The following THSD7A variants were observed in gnomAD, a reference collection of about 807,000 sequenced individuals.
THSD7A encodes the protein thrombospondin type-1 domain-containing protein 7A.
THSD7A carries 96 observed loss-of-function variants against 231.3 expected under a neutral mutation model. That is an observed-to-expected ratio of 0.41 (90% CI 0.35 to 0.49). The LOEUF (loss-of-function observed/expected upper bound fraction) is 0.49, where lower values mean the gene tolerates loss of function less well. THSD7A is among the 20% of genes least tolerant of loss of function. The pLI, the probability that THSD7A is intolerant of heterozygous loss-of-function variation, is 0.05. For synonymous variants in THSD7A, 940 were observed against 743.3 expected (o/e 1.26, Z -4.30); for missense variants, 2,290 against 2,070.2 (o/e 1.11, Z -2.06).
At chr7:11,771,896 A>C (rs1370117533) in intron 1 of THSD7A, among the ~76,000 whole-genome samples, 3 of 151,952 alleles carry the variant, frequency 2.0e-5, no homozygotes. Flanking sequence ...AGTGTGTTGC[A>C]CCTTTTCTGT....
chr7:11,434,149 T>C (rs1784560594), intron 13 of THSD7A, among the ~76,000 whole-genome samples: 1 of 152,050 alleles, frequency 6.6e-6, no homozygotes, highest in South Asian at 2.1e-4. Flanking sequence ...CAAACAATCA[T>C]GGGGGATGGA....
At chr7:11,668,530 AAAGAAAGAAAGAG>A (rs1293930095) in intron 1 of THSD7A, among the ~76,000 whole-genome samples, 2 of 131,384 alleles carry the variant, frequency 1.5e-5, no homozygotes, top group African/African-American at 6.2e-5. Flanking sequence ...AGAAAGACAG[AAAGAAAGAAAGAG>A]AAGAAAGAAA....
rs140381354 is a variant in THSD7A, at chr7:11,637,158, C to A, written c.191-197G>T. On this transcript the variant is annotated intron_variant, in intron 1 of 27. Coordinates refer to ENST00000423059, the MANE Select transcript of THSD7A (RefSeq NM_015204.3). The surrounding 1 kb of genome is among the most constrained non-coding windows in gnomAD (Gnocchi z 4.2). ...CAAAAGGGGAACTGTGTCACAGAGT[C>A]TATATAAGGTAACTTCTGGGACAAT... is the stretch of plus-strand genomic sequence containing the variant. 6.6e-6 allele frequency among the ~76,000 whole-genome samples: 1 copy of A among 152,254 alleles called. No individual in the cohort carries two copies. Among genetic ancestry groups the A allele is most frequent in the East Asian group, 1.9e-4 (1 of 5,190 alleles).
At chr7:11,786,495 A>G (rs1783797242) in intron 1 of THSD7A, among the ~76,000 whole-genome samples, 1 of 152,076 alleles carries the variant, frequency 6.6e-6, no homozygotes, top group Non-Finnish European at 1.5e-5. Context: ...CCTTAAGAGA[A>G]AGGTGTAATG....
At chr7:11,785,907 T>C (rs147382503) in intron 1 of THSD7A, among the ~76,000 whole-genome samples, 1 of 152,140 alleles carries the variant, frequency 6.6e-6, no homozygotes, top group African/African-American at 2.4e-5. Context: ...CTTTAATTCA[T>C]CTTTCACTAA....
intron 4 of THSD7A, among the ~76,000 whole-genome samples, chr7:11,573,218 C>G (rs1456470406): frequency 6.6e-6 from 1 of 152,202 alleles, no homozygotes; most frequent in Non-Finnish European, 1.5e-5. Flanking sequence ...AGTTCTCAAA[C>G]TCACACCACA....
chr7:11,818,532 A>C (rs894482814), intron 1 of THSD7A, among the ~76,000 whole-genome samples: 2 of 152,186 alleles, frequency 1.3e-5, no homozygotes, highest in African/African-American at 4.8e-5. Context: ...TTCCAGGTCA[A>C]CTTACTAGGG....
intron 4 of THSD7A, among the ~76,000 whole-genome samples, chr7:11,557,848 A>G (rs18): frequency 0.61 from 92,506 of 151,948 alleles, 28,794 homozygotes; most frequent in African/African-American, 0.74. Flanking sequence ...GGCCTTCTCT[A>G]ACACCACCTA....
intron 4 of THSD7A, among the ~76,000 whole-genome samples, chr7:11,552,318 G>GA (rs1327171895): frequency 6.6e-6 from 1 of 151,514 alleles, no homozygotes; most frequent in Non-Finnish European, 1.5e-5. Flanking sequence ...TTAAAAGTTA[G>GA]AAAAAAAATA....
intron 22 of THSD7A, among the ~76,000 whole-genome samples, chr7:11,405,856 T>C (rs1036892731): frequency 2.0e-5 from 3 of 152,210 alleles, no homozygotes; most frequent in African/African-American, 7.2e-5. Context: ...GGTATGAGTT[T>C]GTTGTTCATT....
intron 1 of THSD7A, among the ~76,000 whole-genome samples, chr7:11,752,853 G>C (rs181682148): frequency 3.0e-4 from 45 of 152,148 alleles, no homozygotes; most frequent in South Asian, 6.2e-4. Flanking sequence ...TTGAGGCCGA[G>C]AGGTCAAGGC....
chr7:11,594,230 G>C (rs1410797107), intron 2 of THSD7A, among the ~76,000 whole-genome samples: 2 of 152,152 alleles, frequency 1.3e-5, no homozygotes, highest in Admixed American at 1.3e-4. Context: ...TCAGCTTGCA[G>C]ATGGCCTATT....
At chr7:11,659,734 A>C (rs778127021) in intron 1 of THSD7A, among the ~76,000 whole-genome samples, 5 of 151,558 alleles carry the variant, frequency 3.3e-5, no homozygotes, top group Non-Finnish European at 7.4e-5. Context: ...AGTTAAATGA[A>C]TAAAATGTCC....
chr7:11,377,786 T>C lies in THSD7A; in HGVS notation c.4802-1129A>G, dbSNP rs567739948. ...AAAGAATATCTAAGTTTTCAGAACA[T>C]GCACCTTTTAAATATTTTAAAATTT... On this transcript the variant is annotated intron_variant, in intron 26 of 27. Transcript: ENST00000423059. This position sits in a 1 kb window ranked among gnomAD's most constrained non-coding sequence, Gnocchi z 4.5. The C allele has an allele frequency of 6.6e-6, 1 of 152,080 alleles. No homozygotes were observed. Among genetic ancestry groups the C allele is most frequent in the Admixed American group, 6.6e-5 (1 of 15,250 alleles). The allele number at this position is 152,080 out of a possible 1,614,324, so 9.4% of individuals were successfully genotyped here.
intron 2 of THSD7A, among the ~76,000 whole-genome samples, chr7:11,635,415 A>C (rs1481654817): frequency 6.6e-6 from 1 of 152,218 alleles, no homozygotes; most frequent in Non-Finnish European, 1.5e-5. Context: ...ATAATCCTCA[A>C]TGAAAATTAT....
At chr7:11,376,288 T>C (rs570265656) in intron 27 of THSD7A, among the ~76,000 whole-genome samples, 136 of 152,244 alleles carry the variant, frequency 8.9e-4, no homozygotes, top group Non-Finnish European at 1.7e-3. Context: ...TAATTCAATA[T>C]AAAAATCTAC....
chr7:11,767,523 C>T (rs1488402274), intron 1 of THSD7A, among the ~76,000 whole-genome samples: 2 of 152,166 alleles, frequency 1.3e-5, no homozygotes, highest in African/African-American at 4.8e-5. Context: ...TTGTTTAAAA[C>T]TGTAACCCTG....
chr7:11,482,227 CACA>C (rs1237085628), intron 6 of THSD7A, among the ~76,000 whole-genome samples: 2 of 152,144 alleles, frequency 1.3e-5, no homozygotes, highest in African/African-American at 2.4e-5. Flanking sequence ...GTATATCAAG[CACA>C]TTGCTGAGAC....
chr7:11,497,719 G>C (rs1257460520), intron 6 of THSD7A, among the ~76,000 whole-genome samples: 2 of 152,168 alleles, frequency 1.3e-5, no homozygotes, highest in African/African-American at 4.8e-5. Context: ...CTCAGGGAGA[G>C]GAACAGAAGG....
Sources: allele counts gnomAD v4.1 joint callset (sites outside exome capture counted in the v4.1 genomes callset), GRCh38; gene constraint gnomAD v4.1.1; non-coding constraint Gnocchi (gnomAD v3.1); transcripts MANE v1.5; gene names NCBI Gene and HGNC (gene_info 2026-07-23, HGNC 2026-07-21).